PRPS2: variants seen among roughly 807,000 people sequenced by gnomAD.
The protein encoded by PRPS2 is ribose-phosphate pyrophosphokinase 2.
For missense variants in PRPS2, 104 were observed against 271.5 expected (o/e 0.38, Z 4.34); for synonymous variants, 111 against 115.3 (o/e 0.96, Z 0.24).
At position 12,823,090 on chromosome X, in the gene PRPS2, G is replaced by A; in HGVS notation, c.*294G>A. ...GGTGATCTCTTCCTTTGTTCTTTCA[G>A]TACTTTGAGGCGACAACTTTCAAGT... On this transcript the variant is annotated 3_prime_UTR_variant, in exon 7 of 7. Transcript: ENST00000380668. 1 of 235,401 alleles carries A rather than the reference G, an allele frequency of 4.2e-6. No individual in the cohort carries two copies. Among genetic ancestry groups the A allele is most frequent in the Non-Finnish European group, 7.5e-6 (1 of 133,487 alleles). The allele number at this position is 235,401 out of a possible 1,213,427, so 19.4% of individuals were successfully genotyped here. A position where few individuals can be genotyped will look rare whatever the true frequency, so the allele number is the denominator to read the frequency against.
At chrX:12,820,920 C>A in intron 6 of PRPS2, 117 bp downstream of exon 6, 1 of 816,015 alleles carries the variant, frequency 1.2e-6, no homozygotes, top group Non-Finnish European at 1.7e-6. Context: ...TTGGCAGAGG[C>A]GGCAGCTTCT....
chrX:12,795,916 C>T (rs1327130036), intron 1 of PRPS2, among the ~76,000 whole-genome samples: 2 of 112,729 alleles, frequency 1.8e-5, no homozygotes, highest in African/African-American at 6.5e-5. Context: ...AGAACTCTTT[C>T]TATCCCCCTC....
At chrX:12,799,113 C>A in intron 1 of PRPS2, 94 bp from the exon 2 acceptor site, 1 of 851,326 alleles carries the variant, frequency 1.2e-6, no homozygotes, top group South Asian at 2.4e-5. Context: ...TCCTATAAGT[C>A]ATCCTGGTGA....
chrX:12,797,539 A>G (rs1338710020), intron 1 of PRPS2, among the ~76,000 whole-genome samples: 2 of 111,543 alleles, frequency 1.8e-5, no homozygotes, highest in Non-Finnish European at 3.8e-5. Flanking sequence ...AAGTGGCTCC[A>G]TTCAGCTGGG....
intron 4 of PRPS2, 82 bp from the exon 5 acceptor site, chrX:12,819,425 G>A: frequency 3.7e-6 from 4 of 1,067,138 alleles, no homozygotes; most frequent in East Asian, 3.1e-5. Context: ...GGGTGTGGTT[G>A]CCTGCTACAT....
chrX:12,821,451 T>TA (rs1555904000), intron 6 of PRPS2, among the ~76,000 whole-genome samples: 2 of 53,629 alleles, frequency 3.7e-5, no homozygotes, highest in African/African-American at 1.4e-4. Context: ...GGTCTGGGGG[T>TA]GGGGGGGGCA....
intron 3 of PRPS2, among the ~76,000 whole-genome samples, chrX:12,809,791 T>C (rs2042613793): frequency 8.9e-6 from 1 of 112,342 alleles, no homozygotes; most frequent in Non-Finnish European, 1.9e-5. Context: ...TAGGCCATCA[T>C]AAGACAATGG....
intron 2 of PRPS2, among the ~76,000 whole-genome samples, chrX:12,807,865 C>CTT (rs66529320): frequency 1.4e-4 from 8 of 56,831 alleles, no homozygotes; most frequent in Admixed American, 2.4e-4. Context: ...ACATGCATAC[C>CTT]TTTTTTTTTT....
At chrX:12,811,900 G>A (rs1305827331) in intron 4 of PRPS2, among the ~76,000 whole-genome samples, 3 of 112,452 alleles carry the variant, frequency 2.7e-5, no homozygotes, top group South Asian at 3.7e-4. Flanking sequence ...TGCAGCTGGA[G>A]ATCGGCCTCT....
intron 4 of PRPS2, among the ~76,000 whole-genome samples, chrX:12,818,471 C>T (rs1351325503): frequency 1.8e-5 from 2 of 110,703 alleles, no homozygotes; most frequent in African/African-American, 6.6e-5. Context: ...TTCCCACTGC[C>T]TTCTCAGCCC....
chrX:12,802,914 G>A (rs112260511), intron 2 of PRPS2, among the ~76,000 whole-genome samples: 2,287 of 111,721 alleles, frequency 0.02, 55 homozygotes, highest in African/African-American at 0.07. Context: ...GAGGCAGGGC[G>A]GTTGGTAACA....
In PRPS2 at chrX:12,809,230, G is replaced by A. The variant is rs2042610588; in HGVS notation, c.307-4G>A. ...TGTTATAAAATTAATGTTCTTACTT[G>A]TAGAGTCGTGCCCCAATTTCTGCAA... On this transcript the variant is annotated splice_region_variant and splice_polypyrimidine_tract_variant and intron_variant, in intron 2 of 6. Coordinates refer to ENST00000380668, the MANE Select transcript of PRPS2 (RefSeq NM_002765.5). 1 of 1,206,468 alleles carries A rather than the reference G, an allele frequency of 8.3e-7. No homozygotes were observed. Among genetic ancestry groups the A allele is most frequent in the African/African-American group, 1.7e-5 (1 of 57,398 alleles).
intron 2 of PRPS2, among the ~76,000 whole-genome samples, chrX:12,807,101 A>G (rs201401481): frequency 1.3e-4 from 1 of 7,656 alleles, no homozygotes. Context: ...GGGAGGGGGG[A>G]AAAAAAGGAC....
intron 6 of PRPS2, among the ~76,000 whole-genome samples, 189 bp from the exon 7 acceptor site, chrX:12,822,515 C>T (rs1482660162): frequency 8.9e-6 from 1 of 112,468 alleles, no homozygotes; most frequent in Non-Finnish European, 1.9e-5. Flanking sequence ...GGGTCTGGTT[C>T]AACGGGTTGT....
At chrX:12,809,970 G>C (rs111383997) in intron 3 of PRPS2, 52 bp from the exon 4 acceptor site, 36,245 of 869,459 alleles carry the variant, frequency 0.042, 474 homozygotes, top group African/African-American at 0.077. Flanking sequence ...AAAAACAAAA[G>C]AAAACAAAAC....
At chrX:12,796,852 ATTTTT>A (rs35240522) in intron 1 of PRPS2, among the ~76,000 whole-genome samples, 5 of 34,247 alleles carry the variant, frequency 1.5e-4, no homozygotes, top group South Asian at 3.1e-3. Flanking sequence ...AGTATTTCAG[ATTTTT>A]TTTTTTTTTT....
chrX:12,800,454 TG>T (rs2147215753), intron 2 of PRPS2, among the ~76,000 whole-genome samples: 1 of 111,751 alleles, frequency 8.9e-6, no homozygotes, highest in East Asian at 2.8e-4. Flanking sequence ...ATTTCCAAAA[TG>T]AGGTCACATG....
chrX:12,809,167 G>A (rs1052625984), intron 2 of PRPS2, 67 bp from the exon 3 acceptor site: 12 of 982,732 alleles, frequency 1.2e-5, no homozygotes, highest in South Asian at 2.2e-5. Flanking sequence ...TCTCATGTAC[G>A]TCTTAGTGGG....
intron 4 of PRPS2, among the ~76,000 whole-genome samples, chrX:12,815,505 T>A (rs2042643157): frequency 8.9e-6 from 1 of 111,943 alleles, no homozygotes; most frequent in African/African-American, 3.2e-5. Flanking sequence ...CAGACGGTAA[T>A]GTATGTGGAC....
Sources: allele counts gnomAD v4.1 joint callset (sites outside exome capture counted in the v4.1 genomes callset), GRCh38; gene constraint gnomAD v4.1.1; transcripts MANE v1.5; gene names NCBI Gene and HGNC (gene_info 2026-07-23, HGNC 2026-07-21).